The following SCAPER variants were observed in gnomAD, a reference collection of about 807,000 sequenced individuals.
The protein encoded by SCAPER is S-phase cyclin A associated protein in the ER.
Under a neutral mutation model 182.2 loss-of-function variants are expected in SCAPER, and 98 were observed. The observed-to-expected ratio is 0.54, with a 90% confidence interval of 0.46 to 0.64. The LOEUF (loss-of-function observed/expected upper bound fraction) is 0.64, where lower values mean the gene tolerates loss of function less well. SCAPER is among the 30% of genes least tolerant of loss of function. The probability of loss-of-function intolerance (pLI) is 0.00; values close to 1 mark genes in which losing one functional copy is unlikely to be tolerated. For missense variants in SCAPER, 1,432 were observed against 1,690.0 expected (o/e 0.85, Z 2.68); for synonymous variants, 605 against 564.6 (o/e 1.07, Z -1.01).
At chr15:76,375,589 G>C (rs984605000) in intron 29 of SCAPER, among the ~76,000 whole-genome samples, 1 of 152,222 alleles carries the variant, frequency 6.6e-6, no homozygotes, top group African/African-American at 2.4e-5. Flanking sequence ...CATGGTAAGA[G>C]AGTACATGCT....
rs1395187208 is a variant in SCAPER at position 76,680,413 on chromosome 15, TAATAATAA to T, written c.2509-14632_2509-14625del. 9.8e-4 allele frequency among the ~76,000 whole-genome samples: 10 copies of T among 10,252 alleles called. No individual in the cohort carries two copies. The Admixed American group carries it at 0.012, about 13-fold the overall frequency. 6.7% of individuals were successfully genotyped at this position (10,252 alleles called of 152,430 possible). On this transcript the variant is annotated intron_variant, in intron 20 of 31. Transcript: ENST00000563290. ...GGTCATTTCATGATGATGATGATGA[TAATAATAA>T]TAATAATAATAATAATAATAATAAT...
intron 23 of SCAPER, among the ~76,000 whole-genome samples, chr15:76,511,839 ATATATGTGTGTG>A (rs1436420246): frequency 1.2e-4 from 5 of 42,416 alleles, no homozygotes; most frequent in Non-Finnish European, 3.1e-4. Flanking sequence ...TTATATATAT[ATATATGTGTGTG>A]TGTGTGTGTG....
chr15:76,778,861 C>T (rs939141067), intron 8 of SCAPER, among the ~76,000 whole-genome samples: 1 of 151,928 alleles, frequency 6.6e-6, no homozygotes, highest in Non-Finnish European at 1.5e-5. Context: ...CTAAAAGCAA[C>T]TCATCTAAAT....
intron 2 of SCAPER, among the ~76,000 whole-genome samples, chr15:76,866,359 G>A: frequency 6.6e-6 from 1 of 152,006 alleles, no homozygotes; most frequent in Non-Finnish European, 1.5e-5. Context: ...GAACTAAAAT[G>A]GATAATCACA....
chr15:76,462,341 A>G (rs1263014096), intron 25 of SCAPER, among the ~76,000 whole-genome samples: 1 of 152,138 alleles, frequency 6.6e-6, no homozygotes, highest in African/African-American at 2.4e-5. Context: ...TGTCTGCAGG[A>G]GGGTCAGTCC....
intron 25 of SCAPER, among the ~76,000 whole-genome samples, chr15:76,459,678 G>A (rs915926281): frequency 6.6e-5 from 10 of 151,754 alleles, no homozygotes; most frequent in African/African-American, 2.4e-5. Flanking sequence ...AAGGTTTTTA[G>A]TTTAATATAG....
intron 22 of SCAPER, among the ~76,000 whole-genome samples, chr15:76,586,935 A>AT (rs1040493673): frequency 4.4e-4 from 67 of 150,782 alleles, no homozygotes; most frequent in Admixed American, 6.6e-4. Context: ...CTGGTCCTGG[A>AT]TTTTTTTTTG....
chr15:76,563,929 A>G (rs1210322796), intron 23 of SCAPER, among the ~76,000 whole-genome samples: 1 of 152,202 alleles, frequency 6.6e-6, no homozygotes, highest in African/African-American at 2.4e-5. Context: ...TGATTATCTC[A>G]ATAGAGACAG....
Position 76,404,627 on chromosome 15 carries a change from C to A in SCAPER, c.3364G>T (p.Val1122Leu), listed in dbSNP as rs749759300. Reference protein sequence around the residue: ...IDKLCACFLSVQGPVDENPKM... With the variant: ...IDKLCACFLSLQGPVDENPKM... ...GGATTCTCATCCACTGGGCCTTGCA[C>A]CGAGAGGAAGCAGGCACACAGTTTG... is the stretch of plus-strand genomic sequence containing the variant. The change falls in exon 27 of 32, where the codon GTG (valine) becomes TTG (leucine). Residue 1122 changes from valine (V) to leucine (L), a missense_variant. Physicochemically the swap from Val to Leu is conservative, Grantham distance 32. Coordinates refer to ENST00000563290, the MANE Select transcript of SCAPER (RefSeq NM_020843.4). 2.5e-6 allele frequency: 4 copies of A among 1,613,372 alleles called. No homozygotes were observed. The highest frequency in any genetic ancestry group is 1.1e-5 in the South Asian group (1 of 91,042).
intron 5 of SCAPER, among the ~76,000 whole-genome samples, chr15:76,825,373 A>G (rs571544853): frequency 3.3e-5 from 5 of 152,182 alleles, no homozygotes; most frequent in Admixed American, 6.5e-5. Flanking sequence ...AAACTCTTCT[A>G]TGATCCTACA....
chr15:76,496,528 T>C (rs1470107900), intron 24 of SCAPER, among the ~76,000 whole-genome samples: 3 of 152,222 alleles, frequency 2.0e-5, no homozygotes, highest in African/African-American at 7.2e-5. Context: ...ATTCTGAAGA[T>C]AAGCTCTTCA....
At chr15:76,778,955 G>A (rs1043685446) in intron 8 of SCAPER, among the ~76,000 whole-genome samples, 1 of 152,002 alleles carries the variant, frequency 6.6e-6, no homozygotes, top group African/African-American at 2.4e-5. Context: ...GTAAGTAATA[G>A]AGAATCCTGA....
In SCAPER at chr15:76,475,279, A is replaced by G. The variant is rs149335818; in HGVS notation, c.2955-3944T>C. Among the ~76,000 whole-genome samples, 676 of 152,226 alleles carry G rather than the reference A, an allele frequency of 4.4e-3. 2 individuals carry two copies. Among genetic ancestry groups the G allele is most frequent in the Middle Eastern group, 0.017 (5 of 294 alleles). On this transcript the variant is annotated intron_variant, in intron 24 of 31. Coordinates refer to ENST00000563290, the MANE Select transcript of SCAPER (RefSeq NM_020843.4). ...TTTTCCCATATCTTAATTAATATAT[A>G]ATAATGAACAGTTCTCCATGACATC...
In SCAPER at chr15:76,652,108, T is replaced by A. The variant is rs116439742; in HGVS notation, c.2645+13545A>T. On this transcript the variant is annotated intron_variant, in intron 21 of 31. Transcript: ENST00000563290. ...ATGAAAACTTTCAACAGATTAGGCA[T>A]CAAAGAAACATAACTAAAAATAAGG... Among the ~76,000 whole-genome samples the A allele has an allele frequency of 8.1e-3, 1,208 of 149,408 alleles. 12 individuals carry two copies. The highest frequency in any genetic ancestry group is 0.028 in the African/African-American group (1,145 of 40,504).
At chr15:76,437,351 T>C (rs2047263903) in intron 25 of SCAPER, among the ~76,000 whole-genome samples, 1 of 152,160 alleles carries the variant, frequency 6.6e-6, no homozygotes, top group Admixed American at 6.5e-5. Context: ...AATCATGTGC[T>C]TTCCAGATTG....
chr15:76,589,501 A>G (rs775399319), intron 22 of SCAPER, among the ~76,000 whole-genome samples: 6 of 152,150 alleles, frequency 3.9e-5, no homozygotes, highest in Non-Finnish European at 5.9e-5. Context: ...CCCGGCTCCC[A>G]TGCAACCCAA....
At chr15:76,629,692 T>C (rs572445382) in intron 21 of SCAPER, among the ~76,000 whole-genome samples, 1 of 152,352 alleles carries the variant, frequency 6.6e-6, no homozygotes, top group African/African-American at 2.4e-5. Flanking sequence ...TGCATTGATG[T>C]TCATCAGGGA....
intron 25 of SCAPER, among the ~76,000 whole-genome samples, chr15:76,438,279 CA>C (rs372587932): frequency 0.11 from 12,061 of 110,842 alleles, 592 homozygotes; most frequent in African/African-American, 0.2. Context: ...GAGACTGTCT[CA>C]AAAAAAAAAA....
intron 26 of SCAPER, among the ~76,000 whole-genome samples, chr15:76,416,815 C>T (rs932861838): frequency 1.3e-5 from 2 of 152,018 alleles, no homozygotes. Flanking sequence ...TAATAGGTTA[C>T]CTGAAGCAAA....
Sources: gnomAD v4.1 joint callset for allele counts (sites outside exome capture counted in the v4.1 genomes callset) on GRCh38, gnomAD v4.1.1 for gene constraint, MANE v1.5 for transcripts, NCBI Gene and HGNC (gene_info 2026-07-23, HGNC 2026-07-21) for gene names.